DCLK1: variants seen among roughly 807,000 people sequenced by gnomAD.
DCLK1 encodes the protein doublecortin like kinase 1, also known as serine/threonine-protein kinase DCLK1.
In DCLK1, 16 loss-of-function variants were observed where a neutral mutation model predicts 86.2. The ratio of observed to expected loss-of-function variants is 0.19; its 90% CI spans 0.13 to 0.28. The LOEUF is 0.28. Among genes scored for constraint, DCLK1 ranks in the 10% least tolerant of loss-of-function variants. The pLI is 1.00. For missense variants in DCLK1, 590 were observed against 940.2 expected, an observed-to-expected ratio of 0.63 and a Z score of 4.87; for synonymous variants, 369 against 370.5, an observed-to-expected ratio of 1.00 and a Z score of 0.05.
At chr13:35,984,281 T>C (rs1879797604) in intron 3 of DCLK1, among the ~76,000 whole-genome samples, 1 of 152,232 alleles carries the variant, frequency 6.6e-6, no homozygotes, top group Admixed American at 6.5e-5. Flanking sequence ...GGGCATCCTT[T>C]CAAGGTCTCT....
At chr13:36,054,256 G>T (rs1883220925) in intron 3 of DCLK1, among the ~76,000 whole-genome samples, 1 of 152,084 alleles carries the variant, frequency 6.6e-6, no homozygotes, top group Admixed American at 6.6e-5. Context: ...ATATGCCCAG[G>T]AATCCCCGAG....
intron 3 of DCLK1, among the ~76,000 whole-genome samples, chr13:36,008,733 A>G (rs1238996969): frequency 3.3e-5 from 5 of 150,960 alleles, no homozygotes; most frequent in Non-Finnish European, 7.4e-5. Flanking sequence ...ATTTGGGTAT[A>G]TACCCAGTAA....
At chr13:36,083,953 T>C (rs1204863822) in intron 3 of DCLK1, among the ~76,000 whole-genome samples, 1 of 152,218 alleles carries the variant, frequency 6.6e-6, no homozygotes. Flanking sequence ...GCTATTTTTA[T>C]AACATAATTA....
chr13:35,787,906 T>C, intron 16 of DCLK1: 1 of 370,042 alleles, frequency 2.7e-6, no homozygotes, highest in Non-Finnish European at 5.1e-6. Context: ...ATCATTGTTT[T>C]AATTAGCAAC....
At chr13:35,788,974 A>T (rs73176157) in intron 16 of DCLK1, among the ~76,000 whole-genome samples, 33,680 of 152,124 alleles carry the variant, frequency 0.22, 4,077 homozygotes, top group East Asian at 0.38. Flanking sequence ...TCTTTGTATA[A>T]TAAAAATGCA....
intron 3 of DCLK1, among the ~76,000 whole-genome samples, chr13:36,068,102 A>C (rs970255171): frequency 1.3e-5 from 2 of 152,236 alleles, no homozygotes; most frequent in African/African-American, 4.8e-5. Context: ...AAAATCCACA[A>C]GACATCTTTC....
intron 6 of DCLK1, among the ~76,000 whole-genome samples, chr13:35,853,022 C>T (rs755211607): frequency 1.8e-4 from 28 of 152,180 alleles, no homozygotes; most frequent in Non-Finnish European, 2.8e-4. Flanking sequence ...TATCCAATGG[C>T]GGTCCCTATA....
intron 3 of DCLK1, among the ~76,000 whole-genome samples, chr13:36,032,236 G>A (rs1176752773): frequency 2.6e-5 from 4 of 151,722 alleles, no homozygotes; most frequent in African/African-American, 9.7e-5. Context: ...CTGCCTCCCG[G>A]GTTCAAGCAA....
chr13:35,910,772 G>A (rs529855824), intron 4 of DCLK1, among the ~76,000 whole-genome samples: 14 of 152,312 alleles, frequency 9.2e-5, no homozygotes, highest in South Asian at 2.1e-4. Flanking sequence ...AATTGCTGGA[G>A]GCAGGAAGCG....
intron 1 of DCLK1, among the ~76,000 whole-genome samples, chr13:36,127,813 T>A (rs146257349): frequency 1.6e-3 from 243 of 152,314 alleles, no homozygotes; most frequent in African/African-American, 5.3e-3. Flanking sequence ...TCATCCTTGC[T>A]GAGGGGTTGG....
At chr13:36,018,531 A>C (rs1881628905) in intron 3 of DCLK1, among the ~76,000 whole-genome samples, 1 of 152,186 alleles carries the variant, frequency 6.6e-6, no homozygotes. Flanking sequence ...TATTTTTTAC[A>C]TGGTTGCTCA....
chr13:35,924,246 G>A (rs555550810), intron 4 of DCLK1, among the ~76,000 whole-genome samples: 1 of 152,174 alleles, frequency 6.6e-6, no homozygotes, highest in East Asian at 1.9e-4. Context: ...ATAAGTGGGG[G>A]CAAATCTTTT....
intron 10 of DCLK1, among the ~76,000 whole-genome samples, chr13:35,826,991 C>A (rs1455575445): frequency 6.6e-6 from 1 of 152,194 alleles, no homozygotes; most frequent in East Asian, 1.9e-4. Context: ...ACTTCTACTT[C>A]CCGAAAATGT....
intron 16 of DCLK1, among the ~76,000 whole-genome samples, chr13:35,781,168 G>T (rs757629588): frequency 5.6e-4 from 85 of 152,170 alleles, no homozygotes; most frequent in Non-Finnish European, 1.0e-3. Context: ...ATTAGCTTAG[G>T]TTTTGCCGGT....
chr13:35,876,289 T>C (rs1426118713), intron 4 of DCLK1, among the ~76,000 whole-genome samples: 1 of 152,206 alleles, frequency 6.6e-6, no homozygotes, highest in East Asian at 1.9e-4. Context: ...ATAAGAGTGA[T>C]ACTTCATGAG....
chr13:35,911,620 T>C (rs1279758754), intron 4 of DCLK1, among the ~76,000 whole-genome samples: 1 of 152,232 alleles, frequency 6.6e-6, no homozygotes, highest in Non-Finnish European at 1.5e-5. Flanking sequence ...GTATTGCCTC[T>C]GCCACCCAGA....
intron 3 of DCLK1, among the ~76,000 whole-genome samples, chr13:36,093,297 G>T (rs1884901876): frequency 6.6e-6 from 1 of 152,154 alleles, no homozygotes; most frequent in Non-Finnish European, 1.5e-5. Flanking sequence ...TTTTCATTTT[G>T]ATTGACAGAA....
chr13:36,100,905 T>C (rs1885195793), intron 3 of DCLK1, among the ~76,000 whole-genome samples: 1 of 152,224 alleles, frequency 6.6e-6, no homozygotes. Flanking sequence ...CACTAAATCC[T>C]TGGGCATGTC....
chr13:36,128,945 A>G lies in DCLK1; in HGVS notation c.-20+2169T>C, dbSNP rs536517116. 1.1e-4 allele frequency among the ~76,000 whole-genome samples: 17 copies of G among 152,282 alleles called. No homozygotes were observed. The South Asian group carries it at 3.5e-3, about 32-fold the overall frequency. On this transcript the variant is annotated intron_variant, in intron 1 of 16. Coordinates refer to ENST00000360631, the MANE Select transcript of DCLK1 (RefSeq NM_001330071.2). ...TGAGCTCTCTTGTCTTCTAAAAGGG[A>G]GTGTGTCTTGGGGGTGGAGTGGAAG...
Sources: gnomAD v4.1 joint callset for allele counts (sites outside exome capture counted in the v4.1 genomes callset) on GRCh38, gnomAD v4.1.1 for gene constraint, MANE v1.5 for transcripts, NCBI Gene and HGNC (gene_info 2026-07-23, HGNC 2026-07-21) for gene names.